The following LMNB2 variants were observed in gnomAD, a reference collection of about 807,000 sequenced individuals.
LMNB2 encodes lamin-B2.
LMNB2 carries 17 observed loss-of-function variants against 69.3 expected under a neutral mutation model. That is an observed-to-expected ratio of 0.25 (90% CI 0.17 to 0.37). The LOEUF is 0.37. Ranked by LOEUF, LMNB2 falls within the 10% of genes least tolerant of loss-of-function variation. LMNB2 has a pLI of 1.00. For missense variants in LMNB2, 789 were observed against 883.6 expected (o/e 0.89, Z 1.36); for synonymous variants, 397 against 389.3 (o/e 1.02, Z -0.23).
intron 2 of LMNB2, among the ~76,000 whole-genome samples, chr19:2,439,035 C>CTT (rs397945879): frequency 0.086 from 5,626 of 65,574 alleles, 1,023 homozygotes; most frequent in Non-Finnish European, 0.11. Context: ...GGCACTTAAG[C>CTT]TTTTTTTTTT....
At chr19:2,449,204 G>A (rs74736757) in intron 1 of LMNB2, among the ~76,000 whole-genome samples, 5,422 of 152,296 alleles carry the variant, frequency 0.036, 128 homozygotes, top group Non-Finnish European at 0.051. Flanking sequence ...GCCCTTTCTC[G>A]TGTTTAAATG....
At chr19:2,432,372 C>T in intron 9 of LMNB2, 44 bp downstream of exon 9, 1 of 1,406,926 alleles carries the variant, frequency 7.1e-7, no homozygotes, top group Non-Finnish European at 1.0e-6. Flanking sequence ...CCCCACCTCA[C>T]ACCCCATCCG....
rs1265053422 is a variant in LMNB2 at position 2,447,228 on chromosome 19, A to G, written c.265-2688T>C. 6.6e-6 allele frequency among the ~76,000 whole-genome samples: 1 copy of G among 152,228 alleles called. No individual in the cohort carries two copies. The highest frequency in any genetic ancestry group is 1.5e-5 in the Non-Finnish European group (1 of 68,034). On this transcript the variant is annotated intron_variant, in intron 1 of 11. Coordinates refer to ENST00000325327, the MANE Select transcript of LMNB2 (RefSeq NM_032737.4). The surrounding 1 kb of genome is among the most constrained non-coding windows in gnomAD (Gnocchi z 4.4). ...TGCGGTCCCTCCACCATCCACACAC[A>G]GGAACATGACCCAGCTGTGTAACGG... is the stretch of plus-strand genomic sequence containing the variant.
At chr19:2,454,540 G>A (rs1412986909) in intron 1 of LMNB2, among the ~76,000 whole-genome samples, 1 of 152,080 alleles carries the variant, frequency 6.6e-6, no homozygotes, top group Admixed American at 6.6e-5. Context: ...GAGGGTAAGC[G>A]ACTAGCCCAA....
intron 9 of LMNB2, 127 bp from the exon 10 acceptor site, chr19:2,432,029 G>A (rs1160402574): frequency 1.7e-5 from 21 of 1,229,312 alleles, no homozygotes; most frequent in Admixed American, 2.2e-5. Flanking sequence ...GCCCGACGCA[G>A]GCTTATCCAG....
At chr19:2,432,575 C>A in intron 8 of LMNB2, 52 bp from the exon 9 acceptor site, 3 of 1,444,718 alleles carry the variant, frequency 2.1e-6, no homozygotes, top group Non-Finnish European at 2.9e-6. Flanking sequence ...TGTGACACCG[C>A]CCCCATCGCC....
At chr19:2,435,229 A>G in intron 4 of LMNB2, 58 bp from the exon 5 acceptor site, 1 of 1,587,180 alleles carries the variant, frequency 6.3e-7, no homozygotes, top group Non-Finnish European at 8.5e-7. Context: ...CACCAGGCCC[A>G]AGGGAGGGCT....
chr19:2,438,350 GCGTCC>G lies in LMNB2; in HGVS notation c.558+20_558+24del, dbSNP rs1971852798. On this transcript the variant is annotated intron_variant, in intron 3 of 11. Transcript: ENST00000325327. Reference sequence around the variant, plus strand: ...TGTCTGTTGCATATACCCTGCTGGGGCGTCCCGTGGCTCCTGGCACCTACCTTGGC... The same window carrying G: ...TGTCTGTTGCATATACCCTGCTGGGGCGTGGCTCCTGGCACCTACCTTGGC... 1 of 1,613,182 alleles carries G rather than the reference GCGTCC, an allele frequency of 6.2e-7. No homozygotes were observed. The highest frequency in any genetic ancestry group is 8.5e-7 in the Non-Finnish European group (1 of 1,179,998).
At chr19:2,441,038 G>C (rs1232182794) in intron 2 of LMNB2, among the ~76,000 whole-genome samples, 4 of 152,246 alleles carry the variant, frequency 2.6e-5, no homozygotes, top group African/African-American at 9.6e-5. Context: ...TCTGTCAGAA[G>C]AACCAGGAGC....
chr19:2,446,413 G>A (rs1971956730), intron 1 of LMNB2, among the ~76,000 whole-genome samples: 2 of 151,988 alleles, frequency 1.3e-5, no homozygotes, highest in Admixed American at 6.5e-5. Context: ...AGGTGAACTC[G>A]AGGCACATGC....
intron 11 of LMNB2, 26 bp downstream of exon 11, chr19:2,431,522 G>A: frequency 6.2e-7 from 1 of 1,613,906 alleles, no homozygotes; most frequent in Non-Finnish European, 8.5e-7. Flanking sequence ...CTGCCCCCCA[G>A]CCGCAAGTGG....
At chr19:2,435,389 G>A (rs949956662) in intron 4 of LMNB2, among the ~76,000 whole-genome samples, 5 of 152,202 alleles carry the variant, frequency 3.3e-5, no homozygotes, top group Non-Finnish European at 5.9e-5. Flanking sequence ...CTCTGACACC[G>A]CCACAGCATG....
intron 1 of LMNB2, among the ~76,000 whole-genome samples, chr19:2,452,763 G>C (rs1026765102): frequency 3.3e-5 from 5 of 151,636 alleles, no homozygotes; most frequent in Non-Finnish European, 5.9e-5. Flanking sequence ...AGGACCTCGG[G>C]GGCCGCCACA....
intron 1 of LMNB2, among the ~76,000 whole-genome samples, chr19:2,455,945 ACCCCCAAGCCGG>A (rs1972082595): frequency 7.3e-6 from 1 of 137,274 alleles, no homozygotes; most frequent in Admixed American, 7.2e-5. Flanking sequence ...CCCCCTGGAG[ACCCCCAAGCCGG>A]GACCCTTCCC....
intron 1 of LMNB2, among the ~76,000 whole-genome samples, chr19:2,455,045 C>T (rs990291835): frequency 2.0e-5 from 3 of 152,068 alleles, no homozygotes; most frequent in Non-Finnish European, 4.4e-5. Context: ...ACCTGCCAGA[C>T]CACCGCTGAC....
At chr19:2,442,958 C>A (rs369312380) in intron 2 of LMNB2, among the ~76,000 whole-genome samples, 116 of 152,370 alleles carry the variant, frequency 7.6e-4, no homozygotes, top group African/African-American at 2.6e-3. Context: ...TCTGTCCCAT[C>A]TGCACGGTGT....
chr19:2,430,739 A>C lies in LMNB2; in HGVS notation c.*172T>G, dbSNP rs1971729159. ...GCAGCGGCGAAGTGGCAGCGAAGTG[A>C]GGCTGGAGGAGACCCGCCAGGAGGG... is the stretch of plus-strand genomic sequence containing the variant. On this transcript the variant is annotated 3_prime_UTR_variant, in exon 12 of 12. Coordinates refer to ENST00000325327, the MANE Select transcript of LMNB2 (RefSeq NM_032737.4). 1.4e-6 allele frequency: 1 copy of C among 698,192 alleles called. No individual in the cohort carries two copies. The highest frequency in any genetic ancestry group is 2.0e-5 in the Admixed American group (1 of 49,078). The allele number at this position is 698,192 out of a possible 1,614,324, so 43.2% of individuals were successfully genotyped here.
At chr19:2,450,135 T>G (rs117391475) in intron 1 of LMNB2, among the ~76,000 whole-genome samples, 5,393 of 151,414 alleles carry the variant, frequency 0.036, 132 homozygotes, top group Non-Finnish European at 0.051. Flanking sequence ...TATATATATA[T>G]TCCATTAAAA....
Position 2,430,733 on chromosome 19 carries a change from G to A in LMNB2, c.*178C>T, listed in dbSNP as rs1016735071. 4 of 694,208 alleles carry A rather than the reference G, an allele frequency of 5.8e-6. No homozygotes were observed. Among genetic ancestry groups the A allele is most frequent in the African/African-American group, 3.5e-5 (2 of 56,742 alleles). The allele number at this position is 694,208 out of a possible 1,614,324, so 43.0% of individuals were successfully genotyped here. A position where few individuals can be genotyped will look rare whatever the true frequency, so the allele number is the denominator to read the frequency against. On this transcript the variant is annotated 3_prime_UTR_variant, in exon 12 of 12. Transcript: ENST00000325327. ...TCCGGGGCAGCGGCGAAGTGGCAGC[G>A]AAGTGAGGCTGGAGGAGACCCGCCA...
Sources: gnomAD v4.1 joint callset for allele counts (sites outside exome capture counted in the v4.1 genomes callset) on GRCh38, gnomAD v4.1.1 for gene constraint, Gnocchi (gnomAD v3.1) non-coding constraint, MANE v1.5 for transcripts, NCBI Gene and HGNC (gene_info 2026-07-23, HGNC 2026-07-21) for gene names.